ZC3H12C: variants seen among roughly 807,000 people sequenced by gnomAD.
The protein encoded by ZC3H12C is probable ribonuclease ZC3H12C.
ZC3H12C carries 20 observed loss-of-function variants against 76.3 expected under a neutral mutation model. The ratio of observed to expected loss-of-function variants is 0.26; its 90% confidence interval spans 0.18 to 0.38. ZC3H12C has a LOEUF of 0.38. Among genes scored for constraint, ZC3H12C ranks in the 10% least tolerant of loss-of-function variants. The probability of loss-of-function intolerance (pLI) is 1.00; values close to 1 mark genes in which losing one functional copy is unlikely to be tolerated. For missense variants in ZC3H12C, 874 were observed against 1,086.5 expected (o/e 0.80, Z 2.75); for synonymous variants, 352 against 399.6 (o/e 0.88, Z 1.42).
rs573762617 is a variant in ZC3H12C, at chr11:110,123,153, T to TA, written c.22-13508dup. 2.0e-4 allele frequency among the ~76,000 whole-genome samples: 31 copies of TA among 152,320 alleles called. No homozygotes were observed. The South Asian group carries it at 3.7e-3, about 18-fold the overall frequency. On this transcript the variant is annotated intron_variant, in intron 1 of 5. Coordinates refer to ENST00000278590, the MANE Select transcript of ZC3H12C (RefSeq NM_033390.2). The stretch of plus-strand genomic sequence containing the variant: ...GAAACTGAGGAAAGTGAAATGTAGA[T>TA]AAGGGGGACTACCGAATGTCCTCTT...
chr11:110,107,989 C>T (rs1167958475), intron 1 of ZC3H12C, among the ~76,000 whole-genome samples: 2 of 151,848 alleles, frequency 1.3e-5, no homozygotes, highest in East Asian at 3.9e-4. Flanking sequence ...TCTCTGTCAC[C>T]CTGGCTAGAG....
chr11:110,116,099 C>G (rs1419475791), intron 1 of ZC3H12C, among the ~76,000 whole-genome samples: 1 of 152,136 alleles, frequency 6.6e-6, no homozygotes, highest in Admixed American at 6.6e-5. Context: ...TGTTTCCTTT[C>G]AGGTGCCTGC....
chr11:110,154,613 G>A lies in ZC3H12C; in HGVS notation c.913+1555G>A, dbSNP rs144287949. 5.4e-3 allele frequency among the ~76,000 whole-genome samples: 813 copies of A among 151,854 alleles called. 1 individual carries two copies. The highest frequency in any genetic ancestry group is 9.3e-3 in the Non-Finnish European group (629 of 67,946). On this transcript the variant is annotated intron_variant, in intron 3 of 5. Coordinates refer to ENST00000278590, the MANE Select transcript of ZC3H12C (RefSeq NM_033390.2). ...TAACAATAAATTCCAGGTGGTTGAA[G>A]ACTAATTATCAAAAATCAAACCATC...
intron 2 of ZC3H12C, among the ~76,000 whole-genome samples, 196 bp downstream of exon 2, chr11:110,137,610 G>A (rs568808494): frequency 2.0e-5 from 3 of 152,006 alleles, no homozygotes; most frequent in South Asian, 2.1e-4. Context: ...ATTTATCCCC[G>A]TATAGAGACC....
At chr11:110,117,488 T>C (rs1861546670) in intron 1 of ZC3H12C, among the ~76,000 whole-genome samples, 1 of 151,674 alleles carries the variant, frequency 6.6e-6, no homozygotes, top group Non-Finnish European at 1.5e-5. Flanking sequence ...TAATTACATA[T>C]AGCTAACATA....
At chr11:110,129,745 G>A (rs1861825360) in intron 1 of ZC3H12C, among the ~76,000 whole-genome samples, 1 of 152,112 alleles carries the variant, frequency 6.6e-6, no homozygotes, top group Non-Finnish European at 1.5e-5. Context: ...GTAAATAGTA[G>A]AACAGCTATA....
rs1445256935 is a variant in ZC3H12C, at chr11:110,164,371, A to G, written c.1286A>G (p.Lys429Arg). 6.2e-7 allele frequency: 1 copy of G among 1,613,282 alleles called. No homozygotes were observed. Among genetic ancestry groups the G allele is most frequent in the Middle Eastern group, 1.7e-4 (1 of 6,060 alleles). The part of the protein sequence containing the change: ...GKKCTYGHKC[K>R]YYHPERGSQP... ...AAGTGTACCTATGGACACAAGTGCA[A>G]ATATTACCATCCCGAAAGGGGCAGT... Residue 429 changes from lysine (K) to arginine (R), a missense_variant, in exon 6 of 6, where the codon AAA becomes AGA. Physicochemically the swap from Lys to Arg is conservative, Grantham distance 26. Transcript: ENST00000278590. This position sits in a 1 kb window ranked among gnomAD's most constrained non-coding sequence, Gnocchi z 5.7.
At chr11:110,117,958 C>CACATATATATATTATATATACACACACAT (rs1565252428) in intron 1 of ZC3H12C, among the ~76,000 whole-genome samples, 2 of 82,756 alleles carry the variant, frequency 2.4e-5, no homozygotes, top group African/African-American at 1.1e-4. Context: ...TATACACACA[C>CACATATATATATTATATATACACACACAT]ATATATACAC....
intron 2 of ZC3H12C, among the ~76,000 whole-genome samples, chr11:110,147,401 GA>G (rs1862190786): frequency 1.3e-5 from 2 of 152,168 alleles, no homozygotes; most frequent in African/African-American, 4.8e-5. Flanking sequence ...TTGACTCAAT[GA>G]GAACACATGA....
In ZC3H12C at chr11:110,165,998, T is replaced by TGA. The variant is rs1591489609; in HGVS notation, c.*261_*262insGA. ...TTGGCTGGAAATTTTTCCAGTTTGA[T>TGA]TTAATAGATGTATCTGTGATCTTTG... On this transcript the variant is annotated 3_prime_UTR_variant, in exon 6 of 6. Coordinates refer to ENST00000278590, the MANE Select transcript of ZC3H12C (RefSeq NM_033390.2). The TGA allele has an allele frequency of 2.4e-6, 1 of 414,706 alleles. No homozygotes were observed. The allele number at this position is 414,706 out of a possible 1,614,324, so 25.7% of individuals were successfully genotyped here.
chr11:110,120,911 G>A (rs1861640420), intron 1 of ZC3H12C, among the ~76,000 whole-genome samples: 1 of 152,140 alleles, frequency 6.6e-6, no homozygotes, highest in East Asian at 1.9e-4. Context: ...CAGGTATTTA[G>A]CTAATCTTCA....
chr11:110,151,700 T>A (rs619615), intron 2 of ZC3H12C, among the ~76,000 whole-genome samples: 1 of 151,888 alleles, frequency 6.6e-6, no homozygotes, highest in Admixed American at 6.6e-5. Flanking sequence ...CCTAGAAAAT[T>A]ACCTCAAAAT....
At chr11:110,107,269 A>C (rs1861346167) in intron 1 of ZC3H12C, among the ~76,000 whole-genome samples, 1 of 152,196 alleles carries the variant, frequency 6.6e-6, no homozygotes, top group Non-Finnish European at 1.5e-5. Flanking sequence ...AGTGGTATAA[A>C]TTTTGAGACC....
At chr11:110,130,127 T>C (rs1387816137) in intron 1 of ZC3H12C, among the ~76,000 whole-genome samples, 2 of 152,192 alleles carry the variant, frequency 1.3e-5, no homozygotes, top group Non-Finnish European at 2.9e-5. Flanking sequence ...TTGCTTCTCT[T>C]TAATTACGTG....
At chr11:110,159,750 A>G (rs623236) in intron 4 of ZC3H12C, among the ~76,000 whole-genome samples, 142,625 of 152,284 alleles carry the variant, frequency 0.94, 67,495 homozygotes, top group East Asian at 1. Context: ...TTCTAAGACT[A>G]TGTCTGGAGA....
intron 1 of ZC3H12C, among the ~76,000 whole-genome samples, chr11:110,125,321 G>A (rs950645666): frequency 8.4e-6 from 1 of 118,594 alleles, no homozygotes; most frequent in Non-Finnish European, 1.8e-5. Context: ...GTGTGTGTGT[G>A]GTTTTTTTTG....
intron 3 of ZC3H12C, among the ~76,000 whole-genome samples, chr11:110,153,291 A>G (rs4754423): frequency 0.69 from 104,532 of 151,836 alleles, 36,777 homozygotes; most frequent in South Asian, 0.79. Context: ...AGGTTCAAGC[A>G]CTTCTCGTGC....
chr11:110,142,863 C>G (rs2134182412), intron 2 of ZC3H12C, among the ~76,000 whole-genome samples: 1 of 152,246 alleles, frequency 6.6e-6, no homozygotes, highest in African/African-American at 2.4e-5. Flanking sequence ...TAAAAATTCC[C>G]TTCTCTACTC....
At chr11:110,111,605 C>T (rs1861430486) in intron 1 of ZC3H12C, among the ~76,000 whole-genome samples, 1 of 150,492 alleles carries the variant, frequency 6.6e-6, no homozygotes, top group Non-Finnish European at 1.5e-5. Flanking sequence ...GATCACGGCT[C>T]ACTGCAGCCT....
Sources: gnomAD v4.1 joint callset for allele counts (sites outside exome capture counted in the v4.1 genomes callset) on GRCh38, gnomAD v4.1.1 for gene constraint, Gnocchi (gnomAD v3.1) non-coding constraint, MANE v1.5 for transcripts, NCBI Gene and HGNC (gene_info 2026-07-23, HGNC 2026-07-21) for gene names.